The following RYR2 variants were observed in gnomAD, a reference collection of about 807,000 sequenced individuals.
RYR2 encodes cardiac muscle ryanodine receptor-calcium release channel.
RYR2 carries 227 observed loss-of-function variants against 601.1 expected under a neutral mutation model. The observed-to-expected ratio is 0.38, with a 90% CI of 0.34 to 0.42. The LOEUF (loss-of-function observed/expected upper bound fraction) is 0.42. Among genes scored for constraint, RYR2 ranks in the 10% least tolerant of loss-of-function variants. The probability of loss-of-function intolerance (pLI) is 1.00; values close to 1 mark genes in which losing one functional copy is unlikely to be tolerated. For synonymous variants in RYR2, 2,223 were observed against 2,175.1 expected, an observed-to-expected ratio of 1.02 and a Z score of -0.61; for missense variants, 4,646 against 6,156.5, an observed-to-expected ratio of 0.75 and a Z score of 8.21.
intron 60 of RYR2, among the ~76,000 whole-genome samples, chr1:237,677,270 T>A (rs917633986): frequency 2.6e-5 from 4 of 152,196 alleles, no homozygotes; most frequent in Non-Finnish European, 4.4e-5. Context: ...CAATATGTTC[T>A]GCATGCCATC....
At chr1:237,795,428 T>C (rs1658980881) in intron 96 of RYR2, 97 bp downstream of exon 96, 1 of 626,950 alleles carries the variant, frequency 1.6e-6, no homozygotes, top group Non-Finnish European at 2.7e-6. Context: ...GAGGTATAAT[T>C]TATCTGCCTA....
At chr1:237,240,648 G>GC (rs11434385) in intron 1 of RYR2, among the ~76,000 whole-genome samples, 111,227 of 123,058 alleles carry the variant, frequency 0.9, 50,681 homozygotes, top group East Asian at 1. Context: ...GTGTTGTATT[G>GC]CCCCCTCTAT....
chr1:237,234,952 C>T (rs1331255722), intron 1 of RYR2, among the ~76,000 whole-genome samples: 1 of 151,666 alleles, frequency 6.6e-6, no homozygotes, highest in East Asian at 1.9e-4. Flanking sequence ...GGAAAATGTG[C>T]CCTCTATTGT....
At chr1:237,366,849 C>G (rs186709459) in intron 5 of RYR2, among the ~76,000 whole-genome samples, 61 of 152,100 alleles carry the variant, frequency 4.0e-4, no homozygotes, top group African/African-American at 1.4e-3. Context: ...TTAAAGTTCA[C>G]GTGGATTTTA....
intron 1 of RYR2, among the ~76,000 whole-genome samples, chr1:237,222,920 C>T (rs1053086932): frequency 5.3e-5 from 8 of 152,060 alleles, no homozygotes; most frequent in Non-Finnish European, 7.4e-5. Context: ...ACAAAATTAT[C>T]CCGGCATGGT....
chr1:237,637,501 G>A (rs899556177), intron 44 of RYR2, among the ~76,000 whole-genome samples: 8 of 152,156 alleles, frequency 5.3e-5, no homozygotes, highest in Non-Finnish European at 7.3e-5. Flanking sequence ...CTGAAACCTT[G>A]GCTAAAAAAG....
intron 10 of RYR2, among the ~76,000 whole-genome samples, chr1:237,396,898 A>G (rs957057440): frequency 1.3e-5 from 2 of 152,192 alleles, no homozygotes; most frequent in Non-Finnish European, 2.9e-5. Flanking sequence ...AAAAGTTTTA[A>G]GGGAAAAAAA....
chr1:237,325,943 G>A (rs537910266), intron 2 of RYR2, among the ~76,000 whole-genome samples: 30 of 152,150 alleles, frequency 2.0e-4, no homozygotes, highest in Non-Finnish European at 3.7e-4. Flanking sequence ...ATCAGGATGT[G>A]AAATGGAGTA....
intron 27 of RYR2, among the ~76,000 whole-genome samples, chr1:237,556,694 A>C (rs1403521785): frequency 3.9e-5 from 6 of 151,900 alleles, no homozygotes; most frequent in Non-Finnish European, 8.8e-5. Context: ...TTTTTGTCTT[A>C]TGTAGCTCTC....
chr1:237,827,091 C>G, intron 101 of RYR2, among the ~76,000 whole-genome samples: 1 of 152,188 alleles, frequency 6.6e-6, no homozygotes, highest in East Asian at 1.9e-4. Context: ...TTAAGTTCCA[C>G]AGACATCAAA....
intron 1 of RYR2, among the ~76,000 whole-genome samples, chr1:237,269,748 G>A (rs979885500): frequency 1.3e-5 from 2 of 152,160 alleles, no homozygotes; most frequent in Non-Finnish European, 2.9e-5. Flanking sequence ...AGTACATGGT[G>A]AGCTGGGATG....
Position 237,528,033 on chromosome 1 carries a change from A to G in RYR2, c.2823-2394A>G, listed in dbSNP as rs568816027. ...CATCTTGGTTATCAGCTTGATTGTC[A>G]TGACACTGTAGTGCTTTTGTTCAAG... is the stretch of plus-strand genomic sequence containing the variant. On this transcript the variant is annotated intron_variant, in intron 24 of 104. Transcript: ENST00000366574. Among the ~76,000 whole-genome samples the G allele has an allele frequency of 3.5e-4, 54 of 152,258 alleles. 1 individual carries two copies. The East Asian group carries it at 0.01, about 28-fold the overall frequency.
chr1:237,111,724 G>C (rs1669501437), intron 1 of RYR2, among the ~76,000 whole-genome samples: 2 of 151,954 alleles, frequency 1.3e-5, no homozygotes, highest in Admixed American at 1.3e-4. Context: ...TTTAGTTTTT[G>C]CTCATTTTTG....
chr1:237,392,543 C>G (rs1414918460), intron 10 of RYR2, among the ~76,000 whole-genome samples: 4 of 152,128 alleles, frequency 2.6e-5, no homozygotes, highest in African/African-American at 9.6e-5. Context: ...TCAAGCCTGA[C>G]ATATTTTATG....
chr1:237,728,728 G>A lies in RYR2; in HGVS notation c.10838+1529G>A, dbSNP rs201243041. Among the ~76,000 whole-genome samples, 17 of 138,846 alleles carry A rather than the reference G, an allele frequency of 1.2e-4. No individual in the cohort carries two copies. In the East Asian group the frequency reaches 1.9e-3, roughly 16 times the overall value. The allele number at this position is 138,846 out of a possible 152,430, so 91.1% of individuals were successfully genotyped here. ...ATGTTCTCACTCATAAGTGGGAGTC[G>A]AACAATGAGAACACATGGATACAGG... On this transcript the variant is annotated intron_variant, in intron 76 of 104. Coordinates refer to ENST00000366574, the MANE Select transcript of RYR2 (RefSeq NM_001035.3).
intron 76 of RYR2, among the ~76,000 whole-genome samples, chr1:237,727,707 T>C (rs1034615773): frequency 1.3e-5 from 2 of 152,100 alleles, no homozygotes; most frequent in Non-Finnish European, 2.9e-5. Context: ...ATGTTAGTCA[T>C]TATTATTATT....
chr1:237,554,918 C>G (rs559922915), intron 27 of RYR2: 14 of 152,062 alleles, frequency 9.2e-5, no homozygotes, highest in Admixed American at 8.5e-4. Flanking sequence ...TAAATCTTTT[C>G]AAAGGTTAAT....
intron 1 of RYR2, among the ~76,000 whole-genome samples, chr1:237,043,961 T>A (rs1660243152): frequency 6.6e-6 from 1 of 152,172 alleles, no homozygotes; most frequent in African/African-American, 2.4e-5. Context: ...TTAAACGGAC[T>A]GGGAGAAAGC....
intron 6 of RYR2, among the ~76,000 whole-genome samples, chr1:237,373,104 C>T (rs1383191961): frequency 6.6e-6 from 1 of 152,130 alleles, no homozygotes; most frequent in Non-Finnish European, 1.5e-5. Context: ...CTGATTATTG[C>T]AAAGTTGTTA....
Sources: gnomAD v4.1 joint callset for allele counts (sites outside exome capture counted in the v4.1 genomes callset) on GRCh38, gnomAD v4.1.1 for gene constraint, MANE v1.5 for transcripts, NCBI Gene and HGNC (gene_info 2026-07-23, HGNC 2026-07-21) for gene names.